ZXDC: variants seen among roughly 807,000 people sequenced by gnomAD.
ZXDC encodes the protein ZXD family zinc finger C.
ZXDC carries 58 observed loss-of-function variants against 63.6 expected under a neutral mutation model. The observed-to-expected ratio is 0.91, with a 90% CI of 0.74 to 1.13. The LOEUF is 1.13. Among genes scored for constraint, ZXDC ranks in the 50% most tolerant of loss-of-function variants. The probability of loss-of-function intolerance (pLI) is 0.00; values close to 1 mark genes in which losing one functional copy is unlikely to be tolerated. For synonymous variants in ZXDC, 561 were observed against 496.1 expected, an observed-to-expected ratio of 1.13 and a Z score of -1.74; for missense variants, 1,133 against 1,148.9, an observed-to-expected ratio of 0.99 and a Z score of 0.20.
chr3:126,461,197 G>A, intron 6 of ZXDC: 3 of 1,051,740 alleles, frequency 2.9e-6, no homozygotes, highest in Non-Finnish European at 3.4e-6. Flanking sequence ...GACTGGTCAT[G>A]AGCTGACAAG....
chr3:126,457,626 ACT>A (rs900870125), intron 7 of ZXDC: 16 of 985,306 alleles, frequency 1.6e-5, no homozygotes, highest in Admixed American at 6.1e-5. Context: ...ATGCTAAGAA[ACT>A]CACACAGATT....
At chr3:126,451,387 T>C (rs1222014661) in intron 7 of ZXDC, 19 of 985,308 alleles carry the variant, frequency 1.9e-5, no homozygotes, top group Non-Finnish European at 2.4e-6. Flanking sequence ...ACAAATATTA[T>C]AAACAGTCCC....
At chr3:126,450,662 C>T in intron 7 of ZXDC, 1 of 392,474 alleles carries the variant, frequency 2.5e-6, no homozygotes, top group South Asian at 1.8e-5. Context: ...GGAGGGTGGT[C>T]CCTTCTGCTT....
At chr3:126,461,266 T>C (rs1934521049) in intron 6 of ZXDC, 1 of 1,239,512 alleles carries the variant, frequency 8.1e-7, no homozygotes. Flanking sequence ...AAGGAGCACA[T>C]TACCATGGAG....
At chr3:126,454,837 A>G in intron 7 of ZXDC, 6 of 985,446 alleles carry the variant, frequency 6.1e-6, no homozygotes, top group Non-Finnish European at 7.2e-6. Context: ...ACACTGAGAG[A>G]AAAATTCTTG....
chr3:126,475,070 T>C lies in ZXDC; in HGVS notation c.796A>G (p.Ser266Gly), dbSNP rs201778736. Residue 266 changes from serine to glycine, a missense_variant, in exon 1 of 10, where the codon AGC becomes GGC. Physicochemically the swap from Ser to Gly is moderately conservative, Grantham distance 56. Coordinates refer to ENST00000389709, the MANE Select transcript of ZXDC (RefSeq NM_025112.5). ...GCGCACACCTCGCACTTGAACAGGCTCTCCTGCTCGTGGCCCTTCATGTGC... is the reference window on the plus strand; with the variant it reads ...GCGCACACCTCGCACTTGAACAGGCCCTCCTGCTCGTGGCCCTTCATGTGC... ...KAHMKGHEQE[S>G]LFKCEVCAER... The C allele has an allele frequency of 1.3e-4, 209 of 1,606,296 alleles. No individual in the cohort carries two copies. The highest frequency in any genetic ancestry group is 3.4e-5 in the Admixed American group (2 of 59,058).
chr3:126,441,281 A>C, intron 8 of ZXDC: 1 of 988,394 alleles, frequency 1.0e-6, no homozygotes, highest in African/African-American at 1.7e-5. Flanking sequence ...AAAATAGAAA[A>C]ACACTGAAAA....
At chr3:126,454,927 A>G (rs745928183) in intron 7 of ZXDC, 1 of 985,454 alleles carries the variant, frequency 1.0e-6, no homozygotes, top group Non-Finnish European at 1.2e-6. Context: ...CAGCAACACA[A>G]TGGGAAGAGT....
intron 7 of ZXDC, chr3:126,450,540 T>C (rs1337494229): frequency 8.8e-6 from 4 of 456,334 alleles, no homozygotes; most frequent in East Asian, 6.9e-5. Flanking sequence ...GCCACATGCA[T>C]GTGACTAGAA....
chr3:126,454,362 TTC>T, intron 7 of ZXDC: 5 of 985,382 alleles, frequency 5.1e-6, no homozygotes, highest in Non-Finnish European at 6.0e-6. Flanking sequence ...GGTCTTATAG[TTC>T]TGTTGTAGGC....
chr3:126,475,784 G>C lies in ZXDC; in HGVS notation c.82C>G (p.Pro28Ala), dbSNP rs1576700519. 2.7e-6 allele frequency: 3 copies of C among 1,119,554 alleles called. No individual in the cohort carries two copies. The East Asian group carries it at 1.5e-4, about 55-fold the overall frequency. 69.4% of individuals were successfully genotyped at this position (1,119,554 alleles called of 1,614,324 possible). A position where few individuals can be genotyped will look rare whatever the true frequency, so the allele number is the denominator to read the frequency against. Reference protein sequence around the residue: ...GGGPGPLRRAPAPLGASPARR... With the variant: ...GGGPGPLRRAAAPLGASPARR... Reference sequence around the variant, plus strand: ...GCGGGGCTCGCGCCGAGCGGCGCTGGGGCTCGGCGGAGCGGGCCGGGGCCG... The same window carrying C: ...GCGGGGCTCGCGCCGAGCGGCGCTGCGGCTCGGCGGAGCGGGCCGGGGCCG... Residue 28 changes from proline to alanine, a missense_variant, in exon 1 of 10, where the codon CCA becomes GCA. Pro to Ala is a conservative substitution (Grantham distance 27, BLOSUM62 -1). Coordinates refer to ENST00000389709, the MANE Select transcript of ZXDC (RefSeq NM_025112.5).
intron 7 of ZXDC, among the ~76,000 whole-genome samples, chr3:126,446,207 G>A (rs1933876721): frequency 6.6e-6 from 1 of 152,222 alleles, no homozygotes; most frequent in East Asian, 1.9e-4. Flanking sequence ...ATCTGCAGGA[G>A]TGGGGAGAGG....
At chr3:126,453,336 G>T (rs1934183957) in intron 7 of ZXDC, 1 of 985,286 alleles carries the variant, frequency 1.0e-6, no homozygotes, top group South Asian at 4.7e-5. Flanking sequence ...ATCCCCTTAA[G>T]GATATGTTTT....
At chr3:126,471,776 C>A (rs1297999381) in intron 3 of ZXDC, among the ~76,000 whole-genome samples, 197 bp downstream of exon 3, 1 of 151,484 alleles carries the variant, frequency 6.6e-6, no homozygotes, top group African/African-American at 2.4e-5. Flanking sequence ...AAAGTATACA[C>A]AGAAAAAACT....
At chr3:126,469,761 A>G (rs561138607) in intron 4 of ZXDC, among the ~76,000 whole-genome samples, 1 of 152,296 alleles carries the variant, frequency 6.6e-6, no homozygotes, top group East Asian at 1.9e-4. Context: ...CGGTCTGGGG[A>G]AACTCTCTGC....
intron 4 of ZXDC, among the ~76,000 whole-genome samples, chr3:126,468,315 T>C (rs1238489270): frequency 9.4e-6 from 1 of 106,776 alleles, no homozygotes; most frequent in Non-Finnish European, 2.2e-5. Context: ...CTCCTCCTCC[T>C]GTTACTACAA....
chr3:126,473,145 C>T (rs1018722704), intron 1 of ZXDC, among the ~76,000 whole-genome samples: 1 of 152,194 alleles, frequency 6.6e-6, no homozygotes, highest in Non-Finnish European at 1.5e-5. Context: ...AAATGCTGAT[C>T]TTTGGCCTCA....
At position 126,461,955 on chromosome 3, in the gene ZXDC, C is replaced by T. The variant is rs1231552733; in HGVS notation, c.1707G>A (p.Val569=). 1 of 1,614,074 alleles carries T rather than the reference C, an allele frequency of 6.2e-7. No homozygotes were observed. Among genetic ancestry groups the T allele is most frequent in the East Asian group, 2.2e-5 (1 of 44,860 alleles). The change falls in exon 6 of 10, where the codon GTG becomes GTA. Residue 569 remains valine, a synonymous_variant. Transcript: ENST00000389709. ...GGCTTGGGGGAATATCACTGTGGGC[C>T]ACCAGGACCAGGGGTTCCATCGGCC... ...SLGPMEPLVL[V]AHSDIPPSLD... is the part of the protein sequence containing the mutation.
chr3:126,473,403 T>C (rs533611603), intron 1 of ZXDC, among the ~76,000 whole-genome samples: 1 of 152,356 alleles, frequency 6.6e-6, no homozygotes, highest in South Asian at 2.1e-4. Flanking sequence ...GTCCTGCTCC[T>C]GCTTCTAAAC....
Sources: gnomAD v4.1 joint callset for allele counts (sites outside exome capture counted in the v4.1 genomes callset) on GRCh38, gnomAD v4.1.1 for gene constraint, MANE v1.5 for transcripts, NCBI Gene and HGNC (gene_info 2026-07-23, HGNC 2026-07-21) for gene names.